The following CSMD1 variants were observed in gnomAD, a reference collection of about 807,000 sequenced individuals.
The protein encoded by CSMD1 is CUB and Sushi multiple domains 1.
In CSMD1, 213 loss-of-function variants were observed where a neutral mutation model predicts 417.5. That is an observed-to-expected ratio of 0.51 (90% CI 0.46 to 0.57). The LOEUF is 0.57. Ranked by LOEUF, CSMD1 falls within the 20% of genes least tolerant of loss-of-function variation. The pLI, the probability that CSMD1 is intolerant of heterozygous loss-of-function variation, is 0.00. For missense variants in CSMD1, 6,923 were observed against 4,529.7 expected (o/e 1.53, Z -15.17); for synonymous variants, 2,862 against 1,736.8 (o/e 1.65, Z -16.11).
chr8:4,655,691 A>G (rs1450003812), intron 1 of CSMD1, among the ~76,000 whole-genome samples: 2 of 152,028 alleles, frequency 1.3e-5, no homozygotes, highest in African/African-American at 4.8e-5. Flanking sequence ...AAAGGTAACT[A>G]GGACACGAAG....
At chr8:4,103,599 T>C (rs933235500) in intron 3 of CSMD1, among the ~76,000 whole-genome samples, 1 of 152,138 alleles carries the variant, frequency 6.6e-6, no homozygotes, top group African/African-American at 2.4e-5. Context: ...CTCATTCAGA[T>C]ATTTTCATGT....
At chr8:4,898,971 T>C (rs1243527483) in intron 1 of CSMD1, among the ~76,000 whole-genome samples, 6 of 152,178 alleles carry the variant, frequency 3.9e-5, no homozygotes, top group African/African-American at 1.4e-4. Flanking sequence ...ATTTTTAATA[T>C]TACGGTAATG....
intron 10 of CSMD1, among the ~76,000 whole-genome samples, chr8:3,526,599 G>C (rs1022028733): frequency 6.6e-6 from 1 of 152,140 alleles, no homozygotes. Flanking sequence ...GGCAATGTGT[G>C]ATCCTACAAG....
intron 5 of CSMD1, among the ~76,000 whole-genome samples, chr8:3,772,052 C>G (rs897857227): frequency 3.3e-5 from 5 of 151,758 alleles, no homozygotes; most frequent in Middle Eastern, 6.8e-3. Flanking sequence ...GTGCGAGCAT[C>G]TGAGTCTGCC....
chr8:3,216,832 G>C (rs1399967122), intron 29 of CSMD1, among the ~76,000 whole-genome samples: 1 of 152,266 alleles, frequency 6.6e-6, no homozygotes, highest in Admixed American at 6.5e-5. Flanking sequence ...CGACTGCCTG[G>C]TGTTCCTTCT....
chr8:4,589,008 G>T (rs534624902), intron 2 of CSMD1, among the ~76,000 whole-genome samples: 8 of 152,010 alleles, frequency 5.3e-5, no homozygotes, highest in Non-Finnish European at 8.8e-5. Flanking sequence ...AACACGTTAT[G>T]TATACATTAT....
chr8:4,423,460 G>A lies in CSMD1; in HGVS notation c.303-3395C>T, dbSNP rs145358438. 6.1e-4 allele frequency among the ~76,000 whole-genome samples: 93 copies of A among 152,090 alleles called. No individual in the cohort carries two copies. The East Asian group carries it at 0.014, about 24-fold the overall frequency. ...AATCTGAAATACATCAATCACAACAGCTCAAAGAAAAGCTTCTGTATAAAT... is the reference window on the plus strand; with the variant it reads ...AATCTGAAATACATCAATCACAACAACTCAAAGAAAAGCTTCTGTATAAAT... On this transcript the variant is annotated intron_variant, in intron 2 of 69. Transcript: ENST00000635120.
chr8:3,271,660 T>C (rs1210633259), intron 26 of CSMD1, among the ~76,000 whole-genome samples: 1 of 152,236 alleles, frequency 6.6e-6, no homozygotes, highest in Non-Finnish European at 1.5e-5. Flanking sequence ...GGTTTTCAAT[T>C]TGCATTTCTC....
At chr8:4,591,655 T>C (rs1361663364) in intron 2 of CSMD1, among the ~76,000 whole-genome samples, 1 of 152,156 alleles carries the variant, frequency 6.6e-6, no homozygotes, top group African/African-American at 2.4e-5. Flanking sequence ...GGCATAAGTA[T>C]GTAGGTCAGT....
At chr8:3,410,919 G>C (rs1359350422) in intron 12 of CSMD1, among the ~76,000 whole-genome samples, 1 of 152,094 alleles carries the variant, frequency 6.6e-6, no homozygotes, top group Non-Finnish European at 1.5e-5. Context: ...GGGGTATAGA[G>C]AGATGGATGG....
intron 7 of CSMD1, among the ~76,000 whole-genome samples, chr8:3,671,044 T>G (rs1268253959): frequency 7.2e-6 from 1 of 139,160 alleles, no homozygotes; most frequent in Non-Finnish European, 1.6e-5. Flanking sequence ...ATGGGATATA[T>G]ATGTATATAG....
At chr8:4,087,290 T>C (rs1402209038) in intron 3 of CSMD1, among the ~76,000 whole-genome samples, 1 of 152,036 alleles carries the variant, frequency 6.6e-6, no homozygotes, top group Non-Finnish European at 1.5e-5. Flanking sequence ...TCTCCTTCCT[T>C]CTCCTTCCTG....
intron 7 of CSMD1, among the ~76,000 whole-genome samples, chr8:3,626,926 A>C (rs1796520690): frequency 6.6e-6 from 1 of 151,044 alleles, no homozygotes; most frequent in East Asian, 1.9e-4. Flanking sequence ...ATTAAATATT[A>C]GTATATTATA....
At chr8:4,838,827 G>T (rs1220559742) in intron 1 of CSMD1, among the ~76,000 whole-genome samples, 1 of 152,154 alleles carries the variant, frequency 6.6e-6, no homozygotes, top group African/African-American at 2.4e-5. Context: ...GTGCTTCCAT[G>T]TGAATGTGAC....
intron 48 of CSMD1, among the ~76,000 whole-genome samples, chr8:3,091,189 T>G (rs1487735204): frequency 6.6e-6 from 1 of 152,094 alleles, no homozygotes; most frequent in Non-Finnish European, 1.5e-5. Context: ...TATCTTTTTC[T>G]ATTTGTTTGC....
At chr8:2,997,855 G>A (rs985255352) in intron 54 of CSMD1, among the ~76,000 whole-genome samples, 156 bp downstream of exon 54, 10 of 152,184 alleles carry the variant, frequency 6.6e-5, no homozygotes, top group African/African-American at 2.2e-4. Flanking sequence ...AGAGCTTTGT[G>A]CTTACTCTCA....
intron 26 of CSMD1, among the ~76,000 whole-genome samples, chr8:3,278,155 G>C (rs1340127018): frequency 6.6e-6 from 1 of 152,112 alleles, no homozygotes; most frequent in Non-Finnish European, 1.5e-5. Flanking sequence ...GAACAAGAGA[G>C]AATAATAAGA....
At chr8:3,821,845 A>T (rs995858810) in intron 5 of CSMD1, among the ~76,000 whole-genome samples, 1 of 152,308 alleles carries the variant, frequency 6.6e-6, no homozygotes, top group African/African-American at 2.4e-5. Flanking sequence ...AAAGTTAGTC[A>T]TGGCAAGGAA....
intron 25 of CSMD1, among the ~76,000 whole-genome samples, chr8:3,292,388 C>T (rs1055585346): frequency 6.6e-6 from 1 of 151,994 alleles, no homozygotes; most frequent in African/African-American, 2.4e-5. Context: ...TCCTTGTTAA[C>T]TTTCTGTCTC....
Sources: gnomAD v4.1 joint callset for allele counts (sites outside exome capture counted in the v4.1 genomes callset) on GRCh38, gnomAD v4.1.1 for gene constraint, MANE v1.5 for transcripts, NCBI Gene and HGNC (gene_info 2026-07-23, HGNC 2026-07-21) for gene names.